Variants in TBC1D30 observed in about 807,000 individuals in gnomAD.
TBC1D30 encodes TBC1 domain family, member 30.
TBC1D30 carries 31 observed loss-of-function variants against 63.2 expected under a neutral mutation model. The ratio of observed to expected loss-of-function variants is 0.49; its 90% CI spans 0.37 to 0.66. TBC1D30 has a LOEUF of 0.66. Ranked by LOEUF, TBC1D30 falls within the 30% of genes least tolerant of loss-of-function variation. TBC1D30 has a pLI of 0.00. For synonymous variants in TBC1D30, 307 were observed against 361.5 expected (o/e 0.85, Z 1.71); for missense variants, 810 against 953.6 (o/e 0.85, Z 1.98).
chr12:64,771,056 G>A (rs755189700), intron 1 of TBC1D30, among the ~76,000 whole-genome samples: 12 of 151,980 alleles, frequency 7.9e-5, no homozygotes, highest in Admixed American at 6.6e-5. Context: ...TTTCAAGATG[G>A]TGATAATACA....
intron 10 of TBC1D30, 61 bp downstream of exon 10, chr12:64,866,964 A>AGTAAAG: frequency 6.7e-7 from 1 of 1,496,172 alleles, no homozygotes; most frequent in South Asian, 1.2e-5. Flanking sequence ...AATAAGAGTG[A>AGTAAAG]TATTGTGTCC....
At chr12:64,785,872 T>A (rs1464365837) in intron 1 of TBC1D30, 1 of 1,285,274 alleles carries the variant, frequency 7.8e-7, no homozygotes, top group Non-Finnish European at 1.0e-6. Context: ...TATTTTTCTT[T>A]ACTGATAGAC....
intron 10 of TBC1D30, among the ~76,000 whole-genome samples, chr12:64,867,409 G>A (rs894369307): frequency 1.3e-5 from 2 of 150,932 alleles, no homozygotes; most frequent in Non-Finnish European, 2.9e-5. Flanking sequence ...GCAGTGAGCC[G>A]AGATCATGCC....
intron 8 of TBC1D30, among the ~76,000 whole-genome samples, chr12:64,850,424 G>A (rs1255770517): frequency 6.6e-6 from 1 of 152,144 alleles, no homozygotes; most frequent in Non-Finnish European, 1.5e-5. Context: ...GTCATAAATA[G>A]CTCTTATTAT....
chr12:64,865,737 T>A (rs1878155947), intron 9 of TBC1D30, among the ~76,000 whole-genome samples: 1 of 152,108 alleles, frequency 6.6e-6, no homozygotes, highest in Non-Finnish European at 1.5e-5. Context: ...ATACCTGTAG[T>A]CCTAGCTACT....
intron 1 of TBC1D30, among the ~76,000 whole-genome samples, chr12:64,784,622 A>C (rs1871456177): frequency 6.6e-6 from 1 of 151,004 alleles, no homozygotes; most frequent in Non-Finnish European, 1.5e-5. Flanking sequence ...ACCAAAAAAA[A>C]CCTCCTCCCA....
chr12:64,864,804 G>C, intron 9 of TBC1D30, 24 bp downstream of exon 9: 1 of 1,446,998 alleles, frequency 6.9e-7, no homozygotes, highest in Non-Finnish European at 9.4e-7. Flanking sequence ...ATTCCTTGTT[G>C]TTTTCATGAT....
At chr12:64,856,852 A>C (rs1877345898) in intron 8 of TBC1D30, among the ~76,000 whole-genome samples, 1 of 152,102 alleles carries the variant, frequency 6.6e-6, no homozygotes, top group South Asian at 2.1e-4. Context: ...CAGGCAGAAG[A>C]GCTTCTACCT....
intron 2 of TBC1D30, among the ~76,000 whole-genome samples, chr12:64,788,060 T>G (rs904203866): frequency 1.3e-5 from 2 of 151,846 alleles, no homozygotes; most frequent in African/African-American, 2.4e-5. Flanking sequence ...AGAGTGCTGC[T>G]TGATTATCAT....
At chr12:64,786,123 T>C in intron 2 of TBC1D30, 1 of 1,127,042 alleles carries the variant, frequency 8.9e-7, no homozygotes, top group Non-Finnish European at 1.2e-6. Flanking sequence ...AGTCTGTGTT[T>C]GTGAATATAT....
chr12:64,877,558 C>T lies in TBC1D30; in HGVS notation c.*1770C>T, dbSNP rs1483760948. 1.3e-5 allele frequency: 2 copies of T among 152,198 alleles called. No homozygotes were observed. The highest frequency in any genetic ancestry group is 2.1e-4 in the South Asian group (1 of 4,830). 9.4% of individuals were successfully genotyped at this position (152,198 alleles called of 1,614,324 possible). On this transcript the variant is annotated 3_prime_UTR_variant, in exon 12 of 12. Transcript: ENST00000539867. ...GGAAAATATGACTAATAAGTTATTG[C>T]AGTTTTGGTCTTGAATTCTGTGCCA...
chr12:64,764,472 T>A (rs1341749849), intron 1 of TBC1D30, among the ~76,000 whole-genome samples: 1 of 152,124 alleles, frequency 6.6e-6, no homozygotes, highest in Admixed American at 6.5e-5. Flanking sequence ...CACGATGGAG[T>A]AACAGTGCCA....
intron 2 of TBC1D30, among the ~76,000 whole-genome samples, chr12:64,808,684 C>T (rs1196494986): frequency 6.6e-6 from 1 of 152,106 alleles, no homozygotes; most frequent in Non-Finnish European, 1.5e-5. Flanking sequence ...ACCACCAGAA[C>T]TCTTTTCATC....
chr12:64,792,458 A>G (rs941144801), intron 2 of TBC1D30, among the ~76,000 whole-genome samples: 8 of 152,240 alleles, frequency 5.3e-5, no homozygotes, highest in East Asian at 1.9e-4. Flanking sequence ...AAGATAAACT[A>G]TACTGTCTCT....
chr12:64,775,917 CA>C (rs1232054602), upstream of TBC1D30, among the ~76,000 whole-genome samples: 1 of 152,134 alleles, frequency 6.6e-6, no homozygotes, highest in Non-Finnish European at 1.5e-5. Context: ...GACCTGAAAT[CA>C]TAACAATATC....
At chr12:64,830,570 G>A in intron 4 of TBC1D30, 68 bp downstream of exon 4, 1 of 1,353,980 alleles carries the variant, frequency 7.4e-7, no homozygotes, top group African/African-American at 1.4e-5. Flanking sequence ...GTTGCTTTTT[G>A]GACAGAGGAT....
chr12:64,864,667 G>A lies in TBC1D30; in HGVS notation c.1039-1G>A. 2.0e-6 allele frequency: 3 copies of A among 1,535,174 alleles called. No homozygotes were observed. Among genetic ancestry groups the A allele is most frequent in the Non-Finnish European group, 2.6e-6 (3 of 1,145,802 alleles). On this transcript the variant is annotated splice_acceptor_variant, in intron 8 of 11. Transcript: ENST00000539867. LOFTEE classifies it high-confidence loss of function. ...TTGGCATTTTTGCTTTTGTTTTACA[G>A]ACTGTTTATTCCATGGCTCCGTTCC...
chr12:64,851,168 T>G (rs1876839321), intron 8 of TBC1D30, among the ~76,000 whole-genome samples: 1 of 152,116 alleles, frequency 6.6e-6, no homozygotes, highest in Admixed American at 6.5e-5. Context: ...TCTTTTCTTC[T>G]TTATTAGTCT....
At position 64,824,803 on chromosome 12, in the gene TBC1D30, G is replaced by A. The variant is rs1874150599; in HGVS notation, c.-77G>A. 3 of 1,482,960 alleles carry A rather than the reference G, an allele frequency of 2.0e-6. No individual in the cohort carries two copies. The highest frequency in any genetic ancestry group is 4.2e-5 in the Admixed American group (2 of 47,556). The allele number at this position is 1,482,960 out of a possible 1,614,324, so 91.9% of individuals were successfully genotyped here. A position where few individuals can be genotyped will look rare whatever the true frequency, so the allele number is the denominator to read the frequency against. ...GCCGCAGACACTCACCCAGCTCCGC[G>A]AGCTCAGCCGCTCAGCGAGTGGGGT... On this transcript the variant is annotated 5_prime_UTR_variant, in exon 1 of 12. Transcript: ENST00000539867.
Sources: gnomAD v4.1 joint callset for allele counts (sites outside exome capture counted in the v4.1 genomes callset) on GRCh38, gnomAD v4.1.1 for gene constraint, MANE v1.5 for transcripts, NCBI Gene and HGNC (gene_info 2026-07-23, HGNC 2026-07-21) for gene names.